The following TMEM131L variants were observed in gnomAD, a reference collection of about 807,000 sequenced individuals.
TMEM131L encodes the protein transmembrane 131 like.
Under a neutral mutation model 192.2 loss-of-function variants are expected in TMEM131L, and 54 were observed. That is an observed-to-expected ratio of 0.28 (90% CI 0.23 to 0.35). The LOEUF (loss-of-function observed/expected upper bound fraction) is 0.35. Ranked by LOEUF, TMEM131L falls within the 10% of genes least tolerant of loss-of-function variation. TMEM131L has a pLI of 1.00. For synonymous variants in TMEM131L, 701 were observed against 704.9 expected, an observed-to-expected ratio of 0.99 and a Z score of 0.09; for missense variants, 1,888 against 1,972.9, an observed-to-expected ratio of 0.96 and a Z score of 0.82.
intron 3 of TMEM131L, among the ~76,000 whole-genome samples, chr4:153,481,665 A>C (rs1238802184): frequency 6.6e-6 from 1 of 152,136 alleles, no homozygotes; most frequent in East Asian, 1.9e-4. Flanking sequence ...CCTCTTGAGT[A>C]GCTGGGACCA....
chr4:153,476,880 A>G (rs1731578727), intron 3 of TMEM131L, among the ~76,000 whole-genome samples: 1 of 152,226 alleles, frequency 6.6e-6, no homozygotes, highest in Admixed American at 6.5e-5. Context: ...TATTTTAAAA[A>G]GGGATTGTGA....
chr4:153,510,285 A>G (rs1037830027), intron 3 of TMEM131L, among the ~76,000 whole-genome samples: 1 of 152,186 alleles, frequency 6.6e-6, no homozygotes, highest in Non-Finnish European at 1.5e-5. Context: ...AGATGTTTCA[A>G]GGGACATGCA....
rs372524546 is a variant in TMEM131L, at chr4:153,555,946, G to T, written c.432+36G>T. 1 of 1,541,408 alleles carries T rather than the reference G, an allele frequency of 6.5e-7. No homozygotes were observed. Among genetic ancestry groups the T allele is most frequent in the Non-Finnish European group, 8.8e-7 (1 of 1,141,380 alleles). On this transcript the variant is annotated intron_variant, in intron 5 of 34. Coordinates refer to ENST00000409959, the MANE Select transcript of TMEM131L (RefSeq NM_001131007.2). The surrounding 1 kb of genome is among the most constrained non-coding windows in gnomAD (Gnocchi z 4.1). ...ATGGACTCCTGGAAACTATGCCGTG[G>T]CAGGCAGCCAGGTTTTCTTGCTTTC... is the stretch of plus-strand genomic sequence containing the variant.
At chr4:153,628,619 A>T (rs933934730) in intron 31 of TMEM131L, among the ~76,000 whole-genome samples, 7 of 151,736 alleles carry the variant, frequency 4.6e-5, no homozygotes, top group African/African-American at 1.7e-4. Context: ...GAACCTAGTG[A>T]CTAGTCCAGT....
chr4:153,507,583 A>G (rs557403894), intron 3 of TMEM131L, among the ~76,000 whole-genome samples: 1 of 152,332 alleles, frequency 6.6e-6, no homozygotes, highest in South Asian at 2.1e-4. Context: ...ACAAAACAAA[A>G]CAAAAACGTA....
chr4:153,573,773 G>A (rs1046532590), intron 7 of TMEM131L, among the ~76,000 whole-genome samples: 1 of 152,090 alleles, frequency 6.6e-6, no homozygotes, highest in Non-Finnish European at 1.5e-5. Flanking sequence ...AAAAGAACTT[G>A]AAGTGTTTTA....
chr4:153,473,276 C>T (rs1250902917), intron 2 of TMEM131L, among the ~76,000 whole-genome samples: 1 of 152,196 alleles, frequency 6.6e-6, no homozygotes, highest in Non-Finnish European at 1.5e-5. Context: ...TATGAGGAGA[C>T]TGGTCTTTGC....
In TMEM131L at chr4:153,636,319, C is replaced by T; in HGVS notation, c.4576C>T (p.Arg1526Ter). Residue 1526 changes from arginine to a stop codon, truncating the protein, a stop_gained, in exon 35 of 35, where the codon CGA becomes TGA. Coordinates refer to ENST00000409959, the MANE Select transcript of TMEM131L (RefSeq NM_001131007.2). LOFTEE classifies it high-confidence loss of function. ...ISSPPYLTST[R>*]SLSPMSGLFG... Reference sequence around the variant, plus strand: ...ACTTCAGCCCTACCTCACAAGCACCCGAAGCTTGTCTCCAATGTCTGGACT... The same window carrying T: ...ACTTCAGCCCTACCTCACAAGCACCTGAAGCTTGTCTCCAATGTCTGGACT... 1 of 1,613,912 alleles carries T rather than the reference C, an allele frequency of 6.2e-7. No individual in the cohort carries two copies. Among genetic ancestry groups the T allele is most frequent in the Non-Finnish European group, 8.5e-7 (1 of 1,179,836 alleles).
intron 19 of TMEM131L, among the ~76,000 whole-genome samples, chr4:153,595,361 A>C (rs975028033): frequency 2.6e-5 from 4 of 152,216 alleles, no homozygotes; most frequent in African/African-American, 9.6e-5. Flanking sequence ...GTTTAACACC[A>C]AAAGTCAGCA....
chr4:153,477,594 T>TTA (rs1476030202), intron 3 of TMEM131L, among the ~76,000 whole-genome samples: 3 of 151,794 alleles, frequency 2.0e-5, no homozygotes, highest in African/African-American at 4.8e-5. Context: ...TGACGATGAC[T>TTA]TATATAAAAA....
chr4:153,567,538 T>C (rs1428706787), intron 7 of TMEM131L, among the ~76,000 whole-genome samples: 17 of 149,762 alleles, frequency 1.1e-4, no homozygotes, highest in South Asian at 8.4e-4. Flanking sequence ...ATTTTTTTTT[T>C]CCCCCAGGCT....
In TMEM131L at chr4:153,499,429, ATTT is replaced by A. The variant is rs11334807; in HGVS notation, c.239+25556_239+25558del. Among the ~76,000 whole-genome samples, 827 of 140,598 alleles carry A rather than the reference ATTT, an allele frequency of 5.9e-3. 8 individuals are homozygous for A. The highest frequency in any genetic ancestry group is 0.021 in the African/African-American group (800 of 37,726). The allele number at this position is 140,598 out of a possible 152,430, so 92.2% of individuals were successfully genotyped here. ...GCCAGTGATGAAATAGATCTTTATGATTTTTTTTTTTTTTTTTGAGATGCGTCT... is the reference window on the plus strand; with the variant it reads ...GCCAGTGATGAAATAGATCTTTATGATTTTTTTTTTTTTTGAGATGCGTCT... On this transcript the variant is annotated intron_variant, in intron 3 of 34. Transcript: ENST00000409959.
chr4:153,480,655 C>G (rs1731876495), intron 3 of TMEM131L, among the ~76,000 whole-genome samples: 1 of 152,050 alleles, frequency 6.6e-6, no homozygotes, highest in African/African-American at 2.4e-5. Flanking sequence ...ACCTAGGTGA[C>G]CCAGCCTGTT....
chr4:153,557,478 T>C (rs777478807), intron 6 of TMEM131L, among the ~76,000 whole-genome samples: 3 of 152,198 alleles, frequency 2.0e-5, no homozygotes, highest in East Asian at 3.9e-4. Context: ...CTCAGGAATA[T>C]TTCTAATTAG....
At position 153,604,058 on chromosome 4, in the gene TMEM131L, G is replaced by A. The variant is rs767294420; in HGVS notation, c.3046G>A (p.Ala1016Thr). The change falls in exon 25 of 35, where the codon GCT (alanine) becomes ACT (threonine). Residue 1016 changes from alanine (A) to threonine (T), a missense_variant. Ala to Thr is a moderately conservative substitution (Grantham distance 58). Coordinates refer to ENST00000409959, the MANE Select transcript of TMEM131L (RefSeq NM_001131007.2). ...QTSPLGSSLP[A>T]AKEDICTDAM... Reference sequence around the variant, plus strand: ...TTCACCCCTGGGCAGCTCACTGCCTGCTGCTAAAGAGGACATTTGCACTGA... The same window carrying A: ...TTCACCCCTGGGCAGCTCACTGCCTACTGCTAAAGAGGACATTTGCACTGA... 5.0e-6 allele frequency: 8 copies of A among 1,614,068 alleles called. 1 individual carries two copies. The highest frequency in any genetic ancestry group is 6.8e-6 in the Non-Finnish European group (8 of 1,180,036).
At chr4:153,467,952 G>A (rs1051350015) in intron 2 of TMEM131L, among the ~76,000 whole-genome samples, 10 of 152,196 alleles carry the variant, frequency 6.6e-5, no homozygotes, top group African/African-American at 2.4e-4. Flanking sequence ...ACTGTGAAGT[G>A]TGCACATTTA....
At chr4:153,483,464 G>C (rs1039287147) in intron 3 of TMEM131L, among the ~76,000 whole-genome samples, 1 of 152,132 alleles carries the variant, frequency 6.6e-6, no homozygotes, top group Non-Finnish European at 1.5e-5. Flanking sequence ...GAGAGGCTGA[G>C]GTGGGAGGAT....
chr4:153,568,469 T>C (rs1028231859), intron 7 of TMEM131L, among the ~76,000 whole-genome samples: 6 of 152,212 alleles, frequency 3.9e-5, no homozygotes, highest in African/African-American at 1.4e-4. Context: ...GACTAGTTCC[T>C]TACTGAAAAC....
chr4:153,511,397 A>G (rs1018974453), intron 3 of TMEM131L, among the ~76,000 whole-genome samples: 1 of 152,184 alleles, frequency 6.6e-6, no homozygotes, highest in East Asian at 1.9e-4. Flanking sequence ...CAAATACCAC[A>G]TGTTCTCACT....
Sources: gnomAD v4.1 joint callset for allele counts (sites outside exome capture counted in the v4.1 genomes callset) on GRCh38, gnomAD v4.1.1 for gene constraint, Gnocchi (gnomAD v3.1) non-coding constraint, MANE v1.5 for transcripts, NCBI Gene and HGNC (gene_info 2026-07-23, HGNC 2026-07-21) for gene names.